TBC1D1: variants seen among roughly 807,000 people sequenced by gnomAD.
TBC1D1 encodes the protein TBC1 (tre-2/USP6, BUB2, cdc16) domain family, member 1.
Under a neutral mutation model 125.6 loss-of-function variants are expected in TBC1D1, and 89 were observed. The ratio of observed to expected loss-of-function variants is 0.71; its 90% CI spans 0.60 to 0.85. TBC1D1 has a LOEUF of 0.85. Among genes scored for constraint, TBC1D1 ranks in the 40% least tolerant of loss-of-function variants. The pLI, the probability that TBC1D1 is intolerant of heterozygous loss-of-function variation, is 0.00. For missense variants in TBC1D1, 1,377 were observed against 1,469.2 expected, an observed-to-expected ratio of 0.94 and a Z score of 1.03; for synonymous variants, 565 against 564.1, an observed-to-expected ratio of 1.00 and a Z score of -0.02.
chr4:37,897,076 G>A (rs1475634312), intron 1 of TBC1D1, among the ~76,000 whole-genome samples: 1 of 151,990 alleles, frequency 6.6e-6, no homozygotes, highest in East Asian at 1.9e-4. Context: ...TCTTGCTGAG[G>A]GTATGAAACA....
chr4:37,897,827 A>G (rs781441667), intron 1 of TBC1D1, among the ~76,000 whole-genome samples: 2 of 152,230 alleles, frequency 1.3e-5, no homozygotes, highest in Non-Finnish European at 2.9e-5. Flanking sequence ...GTCGATCCAG[A>G]CATTTAATGT....
At chr4:37,979,159 G>A (rs926571044) in intron 2 of TBC1D1, among the ~76,000 whole-genome samples, 1 of 152,198 alleles carries the variant, frequency 6.6e-6, no homozygotes, top group African/African-American at 2.4e-5. Context: ...TTACAGATGT[G>A]AGCCACCACA....
intron 2 of TBC1D1, among the ~76,000 whole-genome samples, chr4:37,968,758 G>C (rs1731511082): frequency 6.6e-6 from 1 of 151,920 alleles, no homozygotes; most frequent in Non-Finnish European, 1.5e-5. Flanking sequence ...GTGTGTCCTT[G>C]AGAGAAAGTG....
intron 6 of TBC1D1, among the ~76,000 whole-genome samples, chr4:38,025,580 A>G (rs1011541367): frequency 3.5e-4 from 54 of 152,254 alleles, no homozygotes; most frequent in African/African-American, 1.3e-3. Flanking sequence ...TGAGATTGGC[A>G]GAGTGTCGAG....
At chr4:38,054,166 A>G (rs1423590944) in intron 11 of TBC1D1, 33 bp from the exon 14 acceptor site, 2 of 1,604,366 alleles carry the variant, frequency 1.2e-6, no homozygotes, top group Admixed American at 3.4e-5. Flanking sequence ...ATTCCTCCCC[A>G]CTAGTCATAA....
rs1738233055 is a variant in TBC1D1, at chr4:37,998,195, T to G, written c.418-16314T>G. The stretch of plus-strand genomic sequence containing the variant: ...CTCTCCTCAGTTGCTTGTCTCTTCC[T>G]TCATCAGTGATGTATTCACTCTGGG... On this transcript the variant is annotated intron_variant, in intron 2 of 19. Transcript: ENST00000261439. Among the ~76,000 whole-genome samples the G allele has an allele frequency of 4.6e-5, 7 of 152,158 alleles. No homozygotes were observed. In the South Asian group the frequency reaches 1.4e-3, roughly 32 times the overall value.
At chr4:38,028,679 G>C (rs1745548011) in intron 7 of TBC1D1, among the ~76,000 whole-genome samples, 1 of 152,174 alleles carries the variant, frequency 6.6e-6, no homozygotes, top group Admixed American at 6.5e-5. Flanking sequence ...GAATAAGAGA[G>C]AAGAAATTAT....
At chr4:38,122,883 TA>T (rs1483956326) in intron 17 of TBC1D1, among the ~76,000 whole-genome samples, 2 of 152,212 alleles carry the variant, frequency 1.3e-5, no homozygotes, top group Admixed American at 6.5e-5. Flanking sequence ...AACATATCAA[TA>T]AAGAGACTTT....
chr4:38,100,824 G>C (rs1760188408), intron 14 of TBC1D1, among the ~76,000 whole-genome samples: 1 of 152,132 alleles, frequency 6.6e-6, no homozygotes, highest in African/African-American at 2.4e-5. Flanking sequence ...ATTACTATTT[G>C]GTTCAAATCC....
At chr4:37,996,766 G>A (rs1415365296) in intron 2 of TBC1D1, among the ~76,000 whole-genome samples, 1 of 152,200 alleles carries the variant, frequency 6.6e-6, no homozygotes, top group African/African-American at 2.4e-5. Context: ...ATTTGGAAAT[G>A]ACCATGGACC....
At chr4:38,136,745 A>C (rs1766690430) in intron 19 of TBC1D1, among the ~76,000 whole-genome samples, 2 of 152,162 alleles carry the variant, frequency 1.3e-5, no homozygotes, top group South Asian at 2.1e-4. Flanking sequence ...GGCTTGGCAC[A>C]ACGGAAGTCT....
chr4:38,026,329 G>C (rs1278346416), intron 6 of TBC1D1, among the ~76,000 whole-genome samples: 1 of 152,258 alleles, frequency 6.6e-6, no homozygotes, highest in African/African-American at 2.4e-5. Context: ...CTCTGCCTCA[G>C]CTGCTGTGGG....
At chr4:37,985,253 T>A (rs1735210515) in intron 2 of TBC1D1, among the ~76,000 whole-genome samples, 1 of 152,210 alleles carries the variant, frequency 6.6e-6, no homozygotes, top group Non-Finnish European at 1.5e-5. Context: ...GCGCCCAGCC[T>A]ATATTTATGA....
chr4:38,049,662 C>T lies in TBC1D1; in HGVS notation c.1674C>T (p.Ser558=). ...AGGAGGCCTTGCCCATCTCTGAGAG[C>T]TCCTTTAAGCTCCTCGGCTCCTCGG... Residue 558 remains serine, a synonymous_variant, in exon 11 of 20, where the codon AGC becomes AGT. Transcript: ENST00000261439. The T allele has an allele frequency of 6.2e-7, 1 of 1,613,426 alleles. No homozygotes were observed. The highest frequency in any genetic ancestry group is 8.5e-7 in the Non-Finnish European group (1 of 1,179,488).
chr4:37,892,984 C>CT (rs1299300147), intron 1 of TBC1D1, among the ~76,000 whole-genome samples: 2 of 152,142 alleles, frequency 1.3e-5, no homozygotes, highest in Non-Finnish European at 2.9e-5. Flanking sequence ...GGGCGGGTGG[C>CT]TTTTTTGTGG....
intron 7 of TBC1D1, among the ~76,000 whole-genome samples, chr4:38,029,123 A>C (rs1285200068): frequency 6.6e-6 from 1 of 152,152 alleles, no homozygotes; most frequent in Non-Finnish European, 1.5e-5. Flanking sequence ...TGTCTGCTTT[A>C]GCTGAGGGGC....
At chr4:38,112,688 G>A (rs1363514869) in intron 15 of TBC1D1, among the ~76,000 whole-genome samples, 1 of 152,192 alleles carries the variant, frequency 6.6e-6, no homozygotes, top group Non-Finnish European at 1.5e-5. Flanking sequence ...AGCATAAGGG[G>A]CGCTACATGT....
intron 2 of TBC1D1, among the ~76,000 whole-genome samples, chr4:37,951,559 T>C (rs1422854907): frequency 1.3e-5 from 2 of 152,196 alleles, no homozygotes; most frequent in African/African-American, 4.8e-5. Context: ...CTACAGGCTC[T>C]TTTTTATTCT....
intron 2 of TBC1D1, among the ~76,000 whole-genome samples, chr4:37,951,157 T>C (rs547500613): frequency 6.6e-6 from 1 of 152,302 alleles, no homozygotes; most frequent in Admixed American, 6.5e-5. Flanking sequence ...GATTTGAAAA[T>C]ATATTGTCCT....
Sources: gnomAD v4.1 joint callset for allele counts (sites outside exome capture counted in the v4.1 genomes callset) on GRCh38, gnomAD v4.1.1 for gene constraint, MANE v1.5 for transcripts, NCBI Gene and HGNC (gene_info 2026-07-23, HGNC 2026-07-21) for gene names.